DPP4: variants seen among roughly 807,000 people sequenced by gnomAD.
DPP4 encodes the protein dipeptidyl peptidase 4.
A neutral mutation model predicts 122.4 loss-of-function variants in DPP4; 93 were observed. The observed-to-expected ratio is 0.76, with a 90% CI of 0.64 to 0.90. The LOEUF (loss-of-function observed/expected upper bound fraction) is 0.90. Among genes scored for constraint, DPP4 ranks in the 40% least tolerant of loss-of-function variants. The pLI is 0.00. For synonymous variants in DPP4, 321 were observed against 302.9 expected (o/e 1.06, Z -0.62); for missense variants, 914 against 907.3 (o/e 1.01, Z -0.09).
At chr2:162,022,647 A>C in intron 12 of DPP4, 108 bp downstream of exon 12, 2 of 1,011,260 alleles carry the variant, frequency 2.0e-6, no homozygotes, top group Non-Finnish European at 3.1e-6. Flanking sequence ...AGGTTAACTA[A>C]TATTGCTATT....
intron 2 of DPP4, among the ~76,000 whole-genome samples, chr2:162,065,702 C>T (rs1684923670): frequency 6.6e-6 from 1 of 152,052 alleles, no homozygotes; most frequent in Non-Finnish European, 1.5e-5. Context: ...ATATTAAGAC[C>T]CATTAATTAT....
intron 22 of DPP4, among the ~76,000 whole-genome samples, chr2:162,006,806 G>A (rs1701293155): frequency 6.6e-6 from 1 of 152,042 alleles, no homozygotes; most frequent in Non-Finnish European, 1.5e-5. Context: ...TAAGTGACCA[G>A]ATTACAGTTA....
chr2:162,055,670 T>C (rs1283968331), intron 2 of DPP4, among the ~76,000 whole-genome samples: 1 of 144,626 alleles, frequency 6.9e-6, no homozygotes. Flanking sequence ...AAACTCTGTC[T>C]CAAAAAAAAA....
chr2:162,042,642 AAGT>A (rs2106128769), intron 5 of DPP4, among the ~76,000 whole-genome samples: 1 of 152,294 alleles, frequency 6.6e-6, no homozygotes, highest in Admixed American at 6.5e-5. Context: ...AAAGAAAGAA[AAGT>A]AGTAGAAGAT....
intron 12 of DPP4, among the ~76,000 whole-genome samples, 176 bp downstream of exon 12, chr2:162,022,579 T>C (rs569230036): frequency 5.9e-5 from 9 of 152,212 alleles, no homozygotes; most frequent in Non-Finnish European, 1.2e-4. Context: ...ACTGTGTGTG[T>C]TATATATTCT....
At chr2:162,047,118 A>C (rs2106135284) in intron 3 of DPP4, 112 bp from the exon 4 acceptor site, 1 of 624,180 alleles carries the variant, frequency 1.6e-6, no homozygotes, top group South Asian at 2.2e-5. Flanking sequence ...GGCATTTCTA[A>C]GTTGAGAAAA....
chr2:162,002,852 T>C (rs1177623444), intron 23 of DPP4, among the ~76,000 whole-genome samples: 1 of 152,216 alleles, frequency 6.6e-6, no homozygotes, highest in Non-Finnish European at 1.5e-5. Flanking sequence ...GCAGCTTTAT[T>C]CTAAAGCCTG....
chr2:162,027,450 C>G (rs1683370839), intron 10 of DPP4, among the ~76,000 whole-genome samples: 1 of 152,090 alleles, frequency 6.6e-6, no homozygotes, highest in Non-Finnish European at 1.5e-5. Flanking sequence ...AACCCCTGTC[C>G]TGTATCAGTG....
At chr2:161,994,755 G>A (rs564798615) in intron 25 of DPP4, among the ~76,000 whole-genome samples, 11 of 152,230 alleles carry the variant, frequency 7.2e-5, no homozygotes, top group African/African-American at 2.6e-4. Context: ...GCGATATTGT[G>A]CTTCTTAACC....
chr2:162,027,960 C>T (rs755711543), intron 10 of DPP4, among the ~76,000 whole-genome samples: 11 of 151,778 alleles, frequency 7.2e-5, no homozygotes, highest in East Asian at 1.9e-4. Context: ...TCACCCGTGG[C>T]GCAGACAGGA....
chr2:162,033,889 T>TATATAC (rs1683665265), intron 9 of DPP4, among the ~76,000 whole-genome samples: 1 of 142,460 alleles, frequency 7.0e-6, no homozygotes, highest in South Asian at 2.1e-4. Context: ...TATATATATA[T>TATATAC]ATATACACAC....
chr2:162,047,009 A>G lies in DPP4; in HGVS notation c.194-3T>C, dbSNP rs1416942229. On this transcript the variant is annotated splice_polypyrimidine_tract_variant and splice_region_variant and intron_variant, in intron 3 of 25. Transcript: ENST00000360534. ...TTGTTTGTAGAGATATTCATGATCT[A>G]AAGAGAGAAAACACCCAGATCAAAA... 6.7e-7 allele frequency: 1 copy of G among 1,498,966 alleles called. No homozygotes were observed. Among genetic ancestry groups the G allele is most frequent in the South Asian group, 1.2e-5 (1 of 84,810 alleles). 92.9% of individuals were successfully genotyped at this position (1,498,966 alleles called of 1,614,324 possible).
rs775037943 is a variant in DPP4, at chr2:162,038,420, T to A, written c.495A>T (p.Ala165=). 15 of 1,596,450 alleles carry A rather than the reference T, an allele frequency of 9.4e-6. No homozygotes were observed. The highest frequency in any genetic ancestry group is 1.3e-5 in the Non-Finnish European group (15 of 1,173,998). ...VTWSPVGHKL[A]YVWNNDIYVK... ...CATAAATGTCATTGTTCCAAACATA[T>A]GCCTAGAAGGAAAAAAAACAAGCAT... The change falls in exon 8 of 26, where the codon GCA becomes GCT. Residue 165 remains alanine (A), a splice_region_variant and synonymous_variant. Coordinates refer to ENST00000360534, the MANE Select transcript of DPP4 (RefSeq NM_001935.4).
In DPP4 at chr2:161,993,365, T is replaced by A; in HGVS notation, c.2219A>T (p.His740Leu). The A allele has an allele frequency of 6.2e-7, 1 of 1,613,172 alleles. No homozygotes were observed. Among genetic ancestry groups the A allele is most frequent in the African/African-American group, 1.3e-5 (1 of 74,960 alleles). The change falls in exon 26 of 26, where the codon CAT becomes CTT. Residue 740 changes from histidine (H) to leucine (L), a missense_variant. By Grantham distance (99) the His-to-Leu change is moderately conservative. Coordinates refer to ENST00000360534, the MANE Select transcript of DPP4 (RefSeq NM_001935.4). The stretch of plus-strand genomic sequence containing the variant: ...GTGTGCTGTGCTGCTAGCTATTCCA[T>A]GGTCTTCATCAGTATACCACTAGAG... The part of the protein sequence containing the change: ...FQAMWYTDED[H>L]GIASSTAHQH...
At chr2:162,070,176 GA>G (rs1055403554) in intron 2 of DPP4, among the ~76,000 whole-genome samples, 17 of 151,842 alleles carry the variant, frequency 1.1e-4, no homozygotes, top group African/African-American at 2.2e-4. Context: ...TAGGATGATT[GA>G]AAAAAAATTT....
chr2:162,013,150 A>T (rs368162240), intron 19 of DPP4, among the ~76,000 whole-genome samples: 7,687 of 152,006 alleles, frequency 0.051, 429 homozygotes, highest in African/African-American at 0.14. Flanking sequence ...ATAGAAAAAA[A>T]AAAAAGACCC....
chr2:162,065,097 C>T (rs984504813), intron 2 of DPP4, among the ~76,000 whole-genome samples: 1 of 152,184 alleles, frequency 6.6e-6, no homozygotes, highest in Non-Finnish European at 1.5e-5. Context: ...TACTTTCCAA[C>T]CTGAGAAAGG....
At chr2:162,019,383 C>A (rs998293340) in intron 14 of DPP4, 107 bp from the exon 15 acceptor site, 25 of 702,494 alleles carry the variant, frequency 3.6e-5, no homozygotes, top group African/African-American at 1.5e-4. Context: ...AGCGCGCGCA[C>A]GGGTGCCCGC....
rs555607746 is a variant in DPP4, at chr2:162,043,738, C to T, written c.366+1794G>A. 2.6e-5 allele frequency among the ~76,000 whole-genome samples: 4 copies of T among 152,300 alleles called. No individual in the cohort carries two copies. The South Asian group carries it at 8.3e-4, about 32-fold the overall frequency. ...ATCACCTATGACAGTTTAAAATATA[C>T]TGAGGCTCATCAGGCACAGTGGCTC... On this transcript the variant is annotated intron_variant, in intron 5 of 25. Transcript: ENST00000360534.
Sources: allele counts gnomAD v4.1 joint callset (sites outside exome capture counted in the v4.1 genomes callset), GRCh38; gene constraint gnomAD v4.1.1; transcripts MANE v1.5; gene names NCBI Gene and HGNC (gene_info 2026-07-23, HGNC 2026-07-21).